SLC35F3: variants seen among roughly 807,000 people sequenced by gnomAD.
The protein encoded by SLC35F3 is putative thiamine transporter SLC35F3.
In SLC35F3, 25 loss-of-function variants were observed where a neutral mutation model predicts 49.9. That is an observed-to-expected ratio of 0.50 (90% CI 0.37 to 0.70). The LOEUF (loss-of-function observed/expected upper bound fraction) is 0.70. Ranked by LOEUF, SLC35F3 falls within the 30% of genes least tolerant of loss-of-function variation. SLC35F3 has a pLI of 0.00. For missense variants in SLC35F3, 525 were observed against 639.8 expected (o/e 0.82, Z 1.94); for synonymous variants, 275 against 265.4 (o/e 1.04, Z -0.35).
At chr1:233,924,698 T>C (rs1266603491) in intron 2 of SLC35F3, among the ~76,000 whole-genome samples, 2 of 152,232 alleles carry the variant, frequency 1.3e-5, no homozygotes, top group East Asian at 3.8e-4. Flanking sequence ...TTGCTCTTGC[T>C]TCTCTTGTTC....
rs1668689503 is a variant in SLC35F3, at chr1:234,301,379, G to A, written c.609-7722G>A. ...ACAACCCCATCAAAAAGTGGGCAAA[G>A]GATATGAACAGACACTTCTCAACAG... On this transcript the variant is annotated intron_variant, in intron 3 of 7. Coordinates refer to ENST00000366618, the MANE Select transcript of SLC35F3 (RefSeq NM_173508.4). Among the ~76,000 whole-genome samples the A allele has an allele frequency of 2.0e-5, 3 of 152,162 alleles. No homozygotes were observed. In the South Asian group the frequency reaches 6.2e-4, roughly 32 times the overall value.
Position 234,214,806 on chromosome 1 carries a change from G to C in SLC35F3, c.284-16611G>C. 1 of 493,482 alleles carries C rather than the reference G, an allele frequency of 2.0e-6. No individual in the cohort carries two copies. Among genetic ancestry groups the C allele is most frequent in the Non-Finnish European group, 3.4e-6 (1 of 292,728 alleles). 30.6% of individuals were successfully genotyped at this position (493,482 alleles called of 1,614,324 possible). A position where few individuals can be genotyped will look rare whatever the true frequency, so the allele number is the denominator to read the frequency against. ...AGCTGCTGCGGCGAGTGAGCACCCG[G>C]CTCCCCAACCCTCTCCTTCCTGGGC... On this transcript the variant is annotated intron_variant, in intron 2 of 7. Transcript: ENST00000366618. The surrounding 1 kb of genome is among the most constrained non-coding windows in gnomAD (Gnocchi z 8.0).
At chr1:234,140,894 C>T (rs2102903392) in intron 2 of SLC35F3, among the ~76,000 whole-genome samples, 1 of 152,258 alleles carries the variant, frequency 6.6e-6, no homozygotes, top group South Asian at 2.1e-4. Context: ...TCACCATTCT[C>T]CTGGGTTGGC....
At chr1:234,249,507 C>T (rs981449642) in intron 3 of SLC35F3, among the ~76,000 whole-genome samples, 5 of 152,130 alleles carry the variant, frequency 3.3e-5, no homozygotes, top group Admixed American at 6.5e-5. Context: ...GGGTTTCTTG[C>T]CCACCTTCAT....
At chr1:234,115,625 A>G (rs1386322893) in intron 2 of SLC35F3, among the ~76,000 whole-genome samples, 1 of 152,238 alleles carries the variant, frequency 6.6e-6, no homozygotes, top group Non-Finnish European at 1.5e-5. Flanking sequence ...GAAAAGTTGC[A>G]AAAATAGTAA....
chr1:234,063,750 C>T (rs1425101851), intron 2 of SLC35F3, among the ~76,000 whole-genome samples: 1 of 152,148 alleles, frequency 6.6e-6, no homozygotes, highest in South Asian at 2.1e-4. Flanking sequence ...TCAGTCAATA[C>T]TGAAACAGTT....
At chr1:234,051,546 T>A (rs1456359753) in intron 2 of SLC35F3, among the ~76,000 whole-genome samples, 1 of 152,146 alleles carries the variant, frequency 6.6e-6, no homozygotes, top group Non-Finnish European at 1.5e-5. Flanking sequence ...TGGGCTGAGA[T>A]GATGGGGTTT....
At chr1:234,082,213 G>C (rs1664889108) in intron 2 of SLC35F3, among the ~76,000 whole-genome samples, 1 of 152,026 alleles carries the variant, frequency 6.6e-6, no homozygotes, top group African/African-American at 2.4e-5. Flanking sequence ...TCAGTTTTCT[G>C]CGGTTCATGT....
At chr1:234,228,358 C>A (rs567361217) in intron 2 of SLC35F3, among the ~76,000 whole-genome samples, 1 of 152,332 alleles carries the variant, frequency 6.6e-6, no homozygotes, top group South Asian at 2.1e-4. Flanking sequence ...ACGCTCTCTG[C>A]AGAATTCCTG....
At chr1:234,014,139 T>C (rs1034920985) in intron 2 of SLC35F3, among the ~76,000 whole-genome samples, 1 of 152,142 alleles carries the variant, frequency 6.6e-6, no homozygotes, top group Non-Finnish European at 1.5e-5. Context: ...GAATCACTCA[T>C]GTAATCAAGT....
chr1:234,035,357 GC>G (rs1309859347), intron 2 of SLC35F3, among the ~76,000 whole-genome samples: 2 of 152,072 alleles, frequency 1.3e-5, no homozygotes, highest in African/African-American at 4.8e-5. Context: ...GAAGTCGGAA[GC>G]CAAGTTAATT....
At chr1:233,926,016 A>G (rs1439037219) in intron 2 of SLC35F3, among the ~76,000 whole-genome samples, 2 of 152,120 alleles carry the variant, frequency 1.3e-5, no homozygotes, top group African/African-American at 2.4e-5. Flanking sequence ...TTAGTCTGAT[A>G]GGCTTCCCTT....
At chr1:234,273,202 AT>A (rs746305779) in intron 3 of SLC35F3, among the ~76,000 whole-genome samples, 10 of 152,218 alleles carry the variant, frequency 6.6e-5, no homozygotes, top group Non-Finnish European at 1.0e-4. Context: ...GATTTGAATC[AT>A]TATTTCCAAA....
chr1:234,106,975 C>T (rs1665293690), intron 2 of SLC35F3, among the ~76,000 whole-genome samples: 1 of 152,228 alleles, frequency 6.6e-6, no homozygotes, highest in Non-Finnish European at 1.5e-5. Flanking sequence ...TTTTAATCAT[C>T]TCCATTGGCA....
intron 2 of SLC35F3, among the ~76,000 whole-genome samples, chr1:234,140,525 G>C (rs1030112512): frequency 6.6e-6 from 1 of 152,156 alleles, no homozygotes; most frequent in Admixed American, 6.5e-5. Flanking sequence ...CATCCAGTGG[G>C]GGGTCTTGGA....
At chr1:233,983,916 C>T (rs1663224481) in intron 2 of SLC35F3, among the ~76,000 whole-genome samples, 1 of 152,188 alleles carries the variant, frequency 6.6e-6, no homozygotes, top group South Asian at 2.1e-4. Context: ...CATGGTATGA[C>T]ACCAAGATAC....
chr1:234,321,396 A>T (rs185565540), intron 7 of SLC35F3, among the ~76,000 whole-genome samples: 1 of 152,346 alleles, frequency 6.6e-6, no homozygotes, highest in East Asian at 1.9e-4. Context: ...TTGATGTGAC[A>T]ACCAGATGAA....
intron 2 of SLC35F3, among the ~76,000 whole-genome samples, chr1:233,974,184 T>C (rs1323688576): frequency 2.3e-5 from 3 of 132,264 alleles, no homozygotes; most frequent in Non-Finnish European, 5.0e-5. Flanking sequence ...CTTTTTTTTT[T>C]TTTTTTTTTT....
chr1:234,064,601 C>A (rs904536137), intron 2 of SLC35F3, among the ~76,000 whole-genome samples: 1 of 152,112 alleles, frequency 6.6e-6, no homozygotes. Context: ...CAATCTCTTT[C>A]TTTATAGTTG....
Sources: allele counts gnomAD v4.1 joint callset (sites outside exome capture counted in the v4.1 genomes callset), GRCh38; gene constraint gnomAD v4.1.1; non-coding constraint Gnocchi (gnomAD v3.1); transcripts MANE v1.5; gene names NCBI Gene and HGNC (gene_info 2026-07-23, HGNC 2026-07-21).